Variants in PKNOX2 observed in about 807,000 individuals in gnomAD.
The protein encoded by PKNOX2 is PBX/knotted 1 homeobox 2.
Under a neutral mutation model 53.1 loss-of-function variants are expected in PKNOX2, and 14 were observed. The observed-to-expected ratio is 0.26, with a 90% confidence interval of 0.17 to 0.41. PKNOX2 has a LOEUF of 0.41. Among genes scored for constraint, PKNOX2 ranks in the 10% least tolerant of loss-of-function variants. PKNOX2 has a pLI of 1.00. For missense variants in PKNOX2, 496 were observed against 602.8 expected (o/e 0.82, Z 1.85); for synonymous variants, 257 against 242.8 (o/e 1.06, Z -0.54).
chr11:125,402,974 C>T (rs1443179667), intron 7 of PKNOX2, among the ~76,000 whole-genome samples: 1 of 152,166 alleles, frequency 6.6e-6, no homozygotes, highest in Non-Finnish European at 1.5e-5. Flanking sequence ...AGGGCTTCCT[C>T]TGGGAGGTGG....
At chr11:125,249,261 G>T (rs1943817650) in intron 2 of PKNOX2, among the ~76,000 whole-genome samples, 1 of 151,902 alleles carries the variant, frequency 6.6e-6, no homozygotes, top group Non-Finnish European at 1.5e-5. Context: ...GATACTAATG[G>T]ATACTATTGG....
intron 2 of PKNOX2, among the ~76,000 whole-genome samples, chr11:125,269,644 C>T (rs1308218407): frequency 6.6e-6 from 1 of 152,174 alleles, no homozygotes; most frequent in Non-Finnish European, 1.5e-5. Context: ...ATGGTACCCA[C>T]TGTCCAGGGC....
At chr11:125,287,042 G>A (rs1048612167) in intron 2 of PKNOX2, among the ~76,000 whole-genome samples, 1 of 152,198 alleles carries the variant, frequency 6.6e-6, no homozygotes, top group African/African-American at 2.4e-5. Flanking sequence ...TGAATTTGCC[G>A]CCTGAGGAGG....
chr11:125,224,638 G>A (rs1941525681), intron 1 of PKNOX2, among the ~76,000 whole-genome samples: 1 of 152,222 alleles, frequency 6.6e-6, no homozygotes, highest in Non-Finnish European at 1.5e-5. Context: ...AAGAACAATT[G>A]GAAACAAATG....
At chr11:125,221,550 A>G (rs1053087140) in intron 1 of PKNOX2, among the ~76,000 whole-genome samples, 5 of 152,156 alleles carry the variant, frequency 3.3e-5, no homozygotes, top group African/African-American at 1.2e-4. Context: ...ATAAGTCAGT[A>G]TGTGAGATAC....
intron 1 of PKNOX2, among the ~76,000 whole-genome samples, chr11:125,206,300 G>A (rs1339676366): frequency 6.6e-6 from 1 of 152,086 alleles, no homozygotes; most frequent in East Asian, 1.9e-4. Context: ...AACCAGCCCT[G>A]GTGCCGTCTA....
chr11:125,345,703 C>A (rs1389350220), intron 3 of PKNOX2, among the ~76,000 whole-genome samples: 1 of 151,616 alleles, frequency 6.6e-6, no homozygotes, highest in Non-Finnish European at 1.5e-5. Context: ...ACCAGCAACA[C>A]TTTTTTTTTC....
rs1956770754 is a variant in PKNOX2 at position 125,433,035 on chromosome 11, C to G, written c.*1643C>G. On this transcript the variant is annotated 3_prime_UTR_variant, in exon 13 of 13. Coordinates refer to ENST00000298282, the MANE Select transcript of PKNOX2 (RefSeq NM_001382323.2). Reference sequence around the variant, plus strand: ...TAAGGATTTTTGAGAAACAAATAACCTTATTTATAATCTGGGTGATCCAAT... The same window carrying G: ...TAAGGATTTTTGAGAAACAAATAACGTTATTTATAATCTGGGTGATCCAAT... 6.6e-6 allele frequency: 1 copy of G among 152,622 alleles called. No individual in the cohort carries two copies. The highest frequency in any genetic ancestry group is 2.4e-5 in the African/African-American group (1 of 41,440). The allele number at this position is 152,622 out of a possible 1,614,324, so 9.5% of individuals were successfully genotyped here.
chr11:125,177,888 C>T (rs1017953349), intron 1 of PKNOX2, among the ~76,000 whole-genome samples: 1 of 152,060 alleles, frequency 6.6e-6, no homozygotes, highest in African/African-American at 2.4e-5. Context: ...AAGAACCAGA[C>T]AGCATAGGTG....
intron 1 of PKNOX2, among the ~76,000 whole-genome samples, chr11:125,222,272 T>C (rs1244511186): frequency 6.6e-6 from 1 of 152,164 alleles, no homozygotes; most frequent in African/African-American, 2.4e-5. Context: ...GATTTTTTTC[T>C]GGGGCTGACA....
chr11:125,205,223 G>A (rs1273523484), intron 1 of PKNOX2, among the ~76,000 whole-genome samples: 1 of 152,212 alleles, frequency 6.6e-6, no homozygotes, highest in Non-Finnish European at 1.5e-5. Flanking sequence ...TTGCTTATGT[G>A]TGTGGTACAT....
intron 4 of PKNOX2, among the ~76,000 whole-genome samples, chr11:125,353,303 C>T (rs1951417766): frequency 2.0e-5 from 3 of 152,198 alleles, no homozygotes; most frequent in African/African-American, 7.2e-5. Context: ...GATGGTGGCC[C>T]CTTCCCTCTC....
intron 1 of PKNOX2, among the ~76,000 whole-genome samples, chr11:125,170,097 G>T (rs1955167764): frequency 6.6e-6 from 1 of 152,190 alleles, no homozygotes; most frequent in African/African-American, 2.4e-5. Flanking sequence ...GGGGTTGGGT[G>T]CTGGTCTGCA....
rs563791121 is a variant in PKNOX2, at chr11:125,295,295, C to T, written c.-129-36524C>T. 1.7e-3 allele frequency among the ~76,000 whole-genome samples: 255 copies of T among 152,326 alleles called. 2 individuals are homozygous for T. The highest frequency in any genetic ancestry group is 0.011 in the South Asian group (51 of 4,828). On this transcript the variant is annotated intron_variant, in intron 2 of 12. Transcript: ENST00000298282. ...TTGGCACAGCTTGAACATGAGATGA[C>T]AGCTGGACGTCCAAAGAAAATGTCC...
At chr11:125,200,559 G>A (rs972181089) in intron 1 of PKNOX2, among the ~76,000 whole-genome samples, 9 of 152,062 alleles carry the variant, frequency 5.9e-5, no homozygotes, top group Admixed American at 2.0e-4. Context: ...CTCTGCCACC[G>A]CTTGCCTGGC....
At chr11:125,292,293 C>G (rs966222958) in intron 2 of PKNOX2, among the ~76,000 whole-genome samples, 1 of 152,232 alleles carries the variant, frequency 6.6e-6, no homozygotes, top group Non-Finnish European at 1.5e-5. Flanking sequence ...TTATTGCTCT[C>G]TGGGGCTTGT....
At chr11:125,363,588 C>T (rs1952033436) in intron 4 of PKNOX2, among the ~76,000 whole-genome samples, 1 of 152,168 alleles carries the variant, frequency 6.6e-6, no homozygotes, top group South Asian at 2.1e-4. Flanking sequence ...GTCCTCCATG[C>T]CTACCCTAAT....
At chr11:125,262,928 G>A (rs149640833) in intron 2 of PKNOX2, among the ~76,000 whole-genome samples, 3 of 152,128 alleles carry the variant, frequency 2.0e-5, no homozygotes, top group Admixed American at 6.5e-5. Context: ...CTTTTGTTCA[G>A]TCATCGGCGC....
At chr11:125,200,854 G>GTTTCC (rs1371233680) in intron 1 of PKNOX2, among the ~76,000 whole-genome samples, 1 of 152,214 alleles carries the variant, frequency 6.6e-6, no homozygotes, top group East Asian at 1.9e-4. Context: ...CAGGGCCCTT[G>GTTTCC]TTTCCTTGCT....
Sources: gnomAD v4.1 joint callset for allele counts (sites outside exome capture counted in the v4.1 genomes callset) on GRCh38, gnomAD v4.1.1 for gene constraint, MANE v1.5 for transcripts, NCBI Gene and HGNC (gene_info 2026-07-23, HGNC 2026-07-21) for gene names.